Variants in TSPEAR observed in about 807,000 individuals in gnomAD.
TSPEAR encodes the protein thrombospondin type laminin G domain and EAR repeats.
TSPEAR carries 69 observed loss-of-function variants against 71.6 expected under a neutral mutation model. That is an observed-to-expected ratio of 0.96 (90% CI 0.79 to 1.18). The LOEUF (loss-of-function observed/expected upper bound fraction) is 1.18, where lower values mean the gene tolerates loss of function less well. Among genes scored for constraint, TSPEAR ranks in the 50% most tolerant of loss-of-function variants. The pLI is 0.00. For synonymous variants in TSPEAR, 402 were observed against 387.2 expected (o/e 1.04, Z -0.45); for missense variants, 971 against 894.9 (o/e 1.09, Z -1.09).
chr21:44,677,443 G>A (rs1235184629), intron 1 of TSPEAR: 3 of 904,404 alleles, frequency 3.3e-6, no homozygotes, highest in Non-Finnish European at 5.5e-6. Context: ...GTTTGCCTCA[G>A]AGCATCTTCA....
At chr21:44,575,411 G>A (rs1166609224) in intron 1 of TSPEAR, 4 of 232,448 alleles carry the variant, frequency 1.7e-5, no homozygotes, top group African/African-American at 2.3e-5. Flanking sequence ...TGGAGCTCAC[G>A]GCCATGGTTT....
intron 1 of TSPEAR, among the ~76,000 whole-genome samples, chr21:44,578,333 A>G (rs1978602776): frequency 6.6e-6 from 1 of 152,258 alleles, no homozygotes; most frequent in African/African-American, 2.4e-5. Context: ...ATGAAAAGGG[A>G]TACAAGAAGA....
intron 10 of TSPEAR, chr21:44,508,802 C>T: frequency 3.0e-6 from 4 of 1,329,598 alleles, no homozygotes; most frequent in South Asian, 1.2e-5. Context: ...TGTCTGGTGG[C>T]AGCTGGCACT....
intron 1 of TSPEAR, among the ~76,000 whole-genome samples, chr21:44,693,923 A>C (rs73234870): frequency 0.048 from 7,309 of 152,336 alleles, 217 homozygotes; most frequent in Middle Eastern, 0.14. Flanking sequence ...AAAAGGTATG[A>C]ATAACCCAAG....
At chr21:44,697,962 C>G (rs781810072) in intron 1 of TSPEAR, 2 of 1,592,892 alleles carry the variant, frequency 1.3e-6, no homozygotes, top group Non-Finnish European at 1.7e-6. Context: ...GGCCAGAAGT[C>G]CAGCTGCTGC....
chr21:44,635,514 C>T (rs1555936492), intron 1 of TSPEAR, among the ~76,000 whole-genome samples: 2 of 152,044 alleles, frequency 1.3e-5, no homozygotes, highest in Non-Finnish European at 2.9e-5. Context: ...CTGAAACATA[C>T]CCAAACACAG....
At chr21:44,633,472 T>C (rs1983368685) in intron 1 of TSPEAR, among the ~76,000 whole-genome samples, 2 of 152,264 alleles carry the variant, frequency 1.3e-5, no homozygotes, top group Admixed American at 1.3e-4. Context: ...TCTCTTTTGA[T>C]TTATTCTTCA....
In TSPEAR at chr21:44,580,491, G is replaced by A. The variant is rs199621016; in HGVS notation, c.83-12486C>T. The stretch of plus-strand genomic sequence containing the variant: ...GTCAGGCAGGGGGCGGTGCCGCAGG[G>A]GGGCTCACAGCAGCTCTCTGGGCAG... On this transcript the variant is annotated intron_variant, in intron 1 of 11. Coordinates refer to ENST00000323084, the MANE Select transcript of TSPEAR (RefSeq NM_144991.3). 1.9e-6 allele frequency: 3 copies of A among 1,613,360 alleles called. No homozygotes were observed. In the East Asian group the frequency reaches 6.7e-5, roughly 36 times the overall value.
In TSPEAR at chr21:44,617,880, T is replaced by C. The variant is rs587626140; in HGVS notation, c.83-49875A>G. 3.9e-5 allele frequency among the ~76,000 whole-genome samples: 6 copies of C among 152,360 alleles called. No individual in the cohort carries two copies. In the South Asian group the frequency reaches 6.2e-4, roughly 16 times the overall value. ...ATACCTTTCCACACTCAGATATGTG[T>C]TTGCCTAAATTCCTAAAAGTGGCAC... On this transcript the variant is annotated intron_variant, in intron 1 of 11. Coordinates refer to ENST00000323084, the MANE Select transcript of TSPEAR (RefSeq NM_144991.3).
At chr21:44,533,945 C>T (rs1255286807) in intron 2 of TSPEAR, 22 bp from the exon 3 acceptor site, 3 of 1,581,348 alleles carry the variant, frequency 1.9e-6, no homozygotes, top group Non-Finnish European at 2.6e-6. Context: ...GGGCCAGGCT[C>T]AGGACGGGGC....
chr21:44,565,831 A>C (rs1555921676), intron 2 of TSPEAR, among the ~76,000 whole-genome samples: 1 of 152,242 alleles, frequency 6.6e-6, no homozygotes, highest in African/African-American at 2.4e-5. Context: ...AGATGATATA[A>C]TCTTATATAT....
chr21:44,647,470 G>C (rs1316235479), intron 1 of TSPEAR: 5 of 1,235,766 alleles, frequency 4.0e-6, no homozygotes, highest in Non-Finnish European at 5.6e-6. Flanking sequence ...CCACAGAGCT[G>C]CTGCCTGAAG....
rs145042794 is a variant in TSPEAR, at chr21:44,644,957, T to C, written c.82+66476A>G. 5.8e-4 allele frequency among the ~76,000 whole-genome samples: 88 copies of C among 151,774 alleles called. 1 individual carries two copies. The highest frequency in any genetic ancestry group is 2.0e-3 in the African/African-American group (81 of 41,310). On this transcript the variant is annotated intron_variant, in intron 1 of 11. Transcript: ENST00000323084. ...TTAAGGAAAGAGAGAAACTAAAAAA[T>C]GACAAATGACCAGTATCAGACTGTC...
chr21:44,674,634 C>A (rs1304364608), intron 1 of TSPEAR, among the ~76,000 whole-genome samples: 1 of 151,924 alleles, frequency 6.6e-6, no homozygotes, highest in Admixed American at 6.6e-5. Context: ...GGAAGATCAC[C>A]TGAGCCCAGG....
intron 1 of TSPEAR, among the ~76,000 whole-genome samples, chr21:44,699,377 C>CAAAAAAAAA (rs55846070): frequency 1.5e-5 from 1 of 65,394 alleles, no homozygotes; most frequent in African/African-American, 5.9e-5. Flanking sequence ...GACACTGTCT[C>CAAAAAAAAA]AAAAAAAAAA....
chr21:44,556,927 T>A (rs2053540960), intron 2 of TSPEAR, among the ~76,000 whole-genome samples: 1 of 152,076 alleles, frequency 6.6e-6, no homozygotes, highest in African/African-American at 2.4e-5. Context: ...CTTTGGAGGT[T>A]TTCAGATAAG....
At chr21:44,551,497 A>AGTGAGTGAGTGT (rs6147532) in intron 2 of TSPEAR, 1,218,033 of 1,548,640 alleles carry the variant, frequency 0.79, 483,464 homozygotes, top group South Asian at 0.84. Flanking sequence ...GAGGTGTGTG[A>AGTGAGTGAGTGT]GTGAGTGAGT....
chr21:44,706,396 T>C (rs548128502), intron 1 of TSPEAR, among the ~76,000 whole-genome samples: 12 of 149,310 alleles, frequency 8.0e-5, no homozygotes, highest in Middle Eastern at 3.4e-3. Flanking sequence ...CGTGCACCCA[T>C]GCGCACGCAC....
chr21:44,702,212 G>C, intron 1 of TSPEAR: 1 of 1,580,430 alleles, frequency 6.3e-7, no homozygotes, highest in East Asian at 2.3e-5. Context: ...GGAACAAAGG[G>C]GCCTCCCTGA....
Sources: gnomAD v4.1 joint callset for allele counts (sites outside exome capture counted in the v4.1 genomes callset) on GRCh38, gnomAD v4.1.1 for gene constraint, MANE v1.5 for transcripts, NCBI Gene and HGNC (gene_info 2026-07-23, HGNC 2026-07-21) for gene names.